Variants in SLC18A2 observed in about 807,000 individuals in gnomAD.
SLC18A2 encodes the protein synaptic vesicular amine transporter.
Under a neutral mutation model 59.2 loss-of-function variants are expected in SLC18A2, and 33 were observed. That is an observed-to-expected ratio of 0.56 (90% CI 0.42 to 0.75). The LOEUF (loss-of-function observed/expected upper bound fraction) is 0.75, where lower values mean the gene tolerates loss of function less well. Among genes scored for constraint, SLC18A2 ranks in the 30% least tolerant of loss-of-function variants. SLC18A2 has a pLI of 0.00. For missense variants in SLC18A2, 569 were observed against 668.6 expected, an observed-to-expected ratio of 0.85 and a Z score of 1.64; for synonymous variants, 228 against 253.5, an observed-to-expected ratio of 0.90 and a Z score of 0.95.
intron 9 of SLC18A2, among the ~76,000 whole-genome samples, chr10:117,256,025 C>T (rs1321911160): frequency 6.6e-6 from 1 of 152,152 alleles, no homozygotes; most frequent in East Asian, 1.9e-4. Context: ...GAGTCCTTGG[C>T]CTCAAGGCAA....
In SLC18A2 at chr10:117,254,439, T is replaced by C. The variant is rs745751206; in HGVS notation, c.642T>C (p.Asp214=). ...MGMLASVYTD[D]EERGNVMGIA... Reference sequence around the variant, plus strand: ...TGCTTGCCAGTGTCTACACAGATGATGAAGAGAGAGGCAACGTCATGGGAA... The same window carrying C: ...TGCTTGCCAGTGTCTACACAGATGACGAAGAGAGAGGCAACGTCATGGGAA... Residue 214 remains aspartate (D), a synonymous_variant, in exon 6 of 16, where the codon GAT becomes GAC. Transcript: ENST00000644641. The C allele has an allele frequency of 5.6e-6, 9 of 1,609,568 alleles. No individual in the cohort carries two copies. The South Asian group carries it at 1.0e-4, about 18-fold the overall frequency.
intron 3 of SLC18A2, among the ~76,000 whole-genome samples, chr10:117,252,325 C>G (rs2133731722): frequency 6.6e-6 from 1 of 151,900 alleles, no homozygotes; most frequent in African/African-American, 2.4e-5. Context: ...AAGAACCCTT[C>G]CAGGCTGTTG....
intron 2 of SLC18A2, among the ~76,000 whole-genome samples, chr10:117,242,692 C>T (rs1463075517): frequency 6.6e-6 from 1 of 152,172 alleles, no homozygotes; most frequent in Non-Finnish European, 1.5e-5. Context: ...TTATATGTTT[C>T]ACAATTTAAT....
chr10:117,249,010 G>A (rs1844135769), intron 3 of SLC18A2, among the ~76,000 whole-genome samples: 2 of 152,172 alleles, frequency 1.3e-5, no homozygotes, highest in East Asian at 1.9e-4. Flanking sequence ...ACATCTGAAC[G>A]ACAAGGAGGA....
Position 117,278,504 on chromosome 10 carries a change from T to C in SLC18A2, c.*1238T>C, listed in dbSNP as rs921709028. The stretch of plus-strand genomic sequence containing the variant: ...TTTTCAGTGTAACAGCAAATACTGT[T>C]AGTGAACATTGTCAATTTATGTCAT... On this transcript the variant is annotated 3_prime_UTR_variant, in exon 16 of 16. Transcript: ENST00000644641. 10 of 152,234 alleles carry C rather than the reference T, an allele frequency of 6.6e-5. No homozygotes were observed. The South Asian group carries it at 8.3e-4, about 13-fold the overall frequency. 9.4% of individuals were successfully genotyped at this position (152,234 alleles called of 1,614,324 possible). A position where few individuals can be genotyped will look rare whatever the true frequency, so the allele number is the denominator to read the frequency against.
At chr10:117,266,144 C>G (rs1589983881) in intron 10 of SLC18A2, among the ~76,000 whole-genome samples, 1 of 145,756 alleles carries the variant, frequency 6.9e-6, no homozygotes, top group African/African-American at 2.5e-5. Context: ...ACCAGGCAGA[C>G]ATTTATGTTT....
intron 1 of SLC18A2, 68 bp from the exon 2 acceptor site, chr10:117,241,611 G>T: frequency 2.0e-5 from 28 of 1,434,886 alleles, no homozygotes; most frequent in Non-Finnish European, 2.5e-5. Flanking sequence ...GCCCTTCCGC[G>T]GCCTGGGGGA....
intron 10 of SLC18A2, among the ~76,000 whole-genome samples, chr10:117,260,256 T>G (rs363253): frequency 0.018 from 2,710 of 152,348 alleles, 189 homozygotes; most frequent in East Asian, 0.12. Flanking sequence ...GGGGCCCCAC[T>G]GCTCTTAACA....
intron 10 of SLC18A2, among the ~76,000 whole-genome samples, chr10:117,262,779 C>T (rs1162743496): frequency 6.6e-6 from 1 of 152,162 alleles, no homozygotes; most frequent in East Asian, 1.9e-4. Flanking sequence ...AAGCTGTCCT[C>T]CTGCCTCAGC....
intron 3 of SLC18A2, among the ~76,000 whole-genome samples, chr10:117,250,235 C>G (rs556430610): frequency 3.6e-4 from 55 of 152,192 alleles, no homozygotes; most frequent in African/African-American, 1.3e-3. Context: ...ACTGAGCAGC[C>G]CATGCAGTGG....
intron 15 of SLC18A2, among the ~76,000 whole-genome samples, chr10:117,270,993 A>G (rs1761248549): frequency 6.6e-6 from 1 of 152,244 alleles, no homozygotes; most frequent in African/African-American, 2.4e-5. Flanking sequence ...TCATAACTTT[A>G]TGACCAAAAT....
intron 3 of SLC18A2, among the ~76,000 whole-genome samples, chr10:117,244,618 C>T (rs1415904395): frequency 6.6e-6 from 1 of 152,212 alleles, no homozygotes; most frequent in African/African-American, 2.4e-5. Flanking sequence ...GTGCATTTGT[C>T]AGAATCGCCC....
chr10:117,255,683 CAG>C (rs2133734597), intron 9 of SLC18A2, 26 bp downstream of exon 9: 2 of 1,608,112 alleles, frequency 1.2e-6, no homozygotes, highest in Non-Finnish European at 1.7e-6. Context: ...TCTTCTGAGT[CAG>C]GGGAATGCGA....
At chr10:117,266,017 G>A (rs1040946215) in intron 10 of SLC18A2, among the ~76,000 whole-genome samples, 1 of 149,506 alleles carries the variant, frequency 6.7e-6, no homozygotes, top group South Asian at 2.1e-4. Context: ...TTGAACCTGG[G>A]AGGCAGAGGT....
At chr10:117,242,632 T>C (rs1565000331) in intron 2 of SLC18A2, among the ~76,000 whole-genome samples, 2 of 152,364 alleles carry the variant, frequency 1.3e-5, no homozygotes, top group South Asian at 2.1e-4. Context: ...ACGGCATTAG[T>C]TCTGCTTCGG....
rs1166141720 is a variant in SLC18A2, at chr10:117,267,133, TTGA to T, written c.1122+101_1122+103del. ...AAGAAACATTTTACGTTTGAGTTTG[TTGA>T]TGTTTTATTACAGCTTTCATTTTAT... On this transcript the variant is annotated intron_variant, in intron 12 of 15. Coordinates refer to ENST00000644641, the MANE Select transcript of SLC18A2 (RefSeq NM_003054.6). 3 of 932,246 alleles carry T rather than the reference TTGA, an allele frequency of 3.2e-6. No homozygotes were observed. The African/African-American group carries it at 5.0e-5, about 15-fold the overall frequency. 57.7% of individuals were successfully genotyped at this position (932,246 alleles called of 1,614,324 possible).
chr10:117,250,667 G>A (rs959216557), intron 3 of SLC18A2, among the ~76,000 whole-genome samples: 1 of 152,156 alleles, frequency 6.6e-6, no homozygotes, highest in African/African-American at 2.4e-5. Context: ...CACACTCAGG[G>A]TATGCCCGTA....
intron 3 of SLC18A2, among the ~76,000 whole-genome samples, chr10:117,244,609 T>A (rs558297343): frequency 6.6e-4 from 101 of 152,362 alleles, no homozygotes; most frequent in African/African-American, 2.4e-3. Flanking sequence ...GTTTCGTAAG[T>A]GCATTTGTCA....
chr10:117,270,052 G>A lies in SLC18A2; in HGVS notation c.1187-19G>A, dbSNP rs1220012236. 3.7e-6 allele frequency: 6 copies of A among 1,613,768 alleles called. No individual in the cohort carries two copies. In the African/African-American group the frequency reaches 4.0e-5, roughly 11 times the overall value. The stretch of plus-strand genomic sequence containing the variant: ...TTTACATCCGTTTTCTATACACTGT[G>A]TTCCCTGACTGTCTTCAGGAATGGT... On this transcript the variant is annotated intron_variant, in intron 13 of 15. Coordinates refer to ENST00000644641, the MANE Select transcript of SLC18A2 (RefSeq NM_003054.6).
Sources: allele counts gnomAD v4.1 joint callset (sites outside exome capture counted in the v4.1 genomes callset), GRCh38; gene constraint gnomAD v4.1.1; transcripts MANE v1.5; gene names NCBI Gene and HGNC (gene_info 2026-07-23, HGNC 2026-07-21).